Variants in ZC3H18 observed in about 807,000 individuals in gnomAD.
ZC3H18 encodes zinc finger CCCH-type containing 18, also known as zinc finger CCCH domain-containing protein 18.
In ZC3H18, 8 loss-of-function variants were observed where a neutral mutation model predicts 106.1. The observed-to-expected ratio is 0.08, with a 90% CI of 0.04 to 0.14. ZC3H18 has a LOEUF of 0.14. Among genes scored for constraint, ZC3H18 ranks in the 10% least tolerant of loss-of-function variants. The pLI is 1.00. For missense variants in ZC3H18, 1,318 were observed against 1,278.4 expected (o/e 1.03, Z -0.47); for synonymous variants, 635 against 522.1 (o/e 1.22, Z -2.95).
chr16:88,616,436 G>A (rs578049024), intron 8 of ZC3H18, among the ~76,000 whole-genome samples: 8 of 152,296 alleles, frequency 5.3e-5, no homozygotes, highest in African/African-American at 1.4e-4. Context: ...CGTTCTCTGC[G>A]TCGCTTGCCT....
Position 88,598,263 on chromosome 16 carries a change from C to A in ZC3H18, c.774C>A (p.Asp258Glu), listed in dbSNP as rs1490054813. The change falls in exon 4 of 18, where the codon GAC becomes GAA. Residue 258 changes from aspartate to glutamate, a missense_variant. Physicochemically the swap from Asp to Glu is conservative, Grantham distance 45 (BLOSUM62 2). Around this residue, in one of 6 missense-constraint regions of ZC3H18, gnomAD observed 78 missense variants for 67.3 expected, o/e 1.16. Transcript: ENST00000301011. ...ACTACTCCCTAATCACCAAAGCCGA[C>A]CCCTTCCCGCCTAATGGTGCCCCGC... is the stretch of plus-strand genomic sequence containing the variant. ...KGNYSLITKA[D>E]PFPPNGAPPL... 1.2e-6 allele frequency: 2 copies of A among 1,613,632 alleles called. No individual in the cohort carries two copies.
intron 10 of ZC3H18, 97 bp from the exon 11 acceptor site, chr16:88,623,861 G>T: frequency 2.7e-6 from 4 of 1,484,910 alleles, no homozygotes; most frequent in South Asian, 2.9e-5. Context: ...ATGGAAATTC[G>T]TGGCCTTCTC....
At chr16:88,582,422 C>A (rs1043944459) in intron 2 of ZC3H18, among the ~76,000 whole-genome samples, 1 of 151,932 alleles carries the variant, frequency 6.6e-6, no homozygotes, top group Non-Finnish European at 1.5e-5. Flanking sequence ...ATGGGTTTCA[C>A]CATCTTGGCC....
At chr16:88,573,325 G>C (rs1171786401) in intron 1 of ZC3H18, among the ~76,000 whole-genome samples, 2 of 152,008 alleles carry the variant, frequency 1.3e-5, no homozygotes, top group Non-Finnish European at 2.9e-5. Flanking sequence ...AGATAGTATA[G>C]GGTGTTACTA....
chr16:88,622,434 C>T (rs566874183), intron 9 of ZC3H18, 46 bp downstream of exon 9: 12 of 1,531,106 alleles, frequency 7.8e-6, no homozygotes, highest in African/African-American at 5.5e-5. Context: ...ACCTTGGAGC[C>T]GTCAGCTGAC....
chr16:88,584,062 T>C (rs927792742), intron 2 of ZC3H18, among the ~76,000 whole-genome samples: 2 of 152,206 alleles, frequency 1.3e-5, no homozygotes, highest in South Asian at 2.1e-4. Flanking sequence ...CATTATTTAG[T>C]GATTTGTTTA....
chr16:88,594,246 C>G (rs937640340), intron 3 of ZC3H18, among the ~76,000 whole-genome samples: 1 of 152,168 alleles, frequency 6.6e-6, no homozygotes, highest in African/African-American at 2.4e-5. Flanking sequence ...ATTTTAAAAA[C>G]AGTTTCATAA....
At chr16:88,616,995 G>A (rs1018387445) in intron 8 of ZC3H18, among the ~76,000 whole-genome samples, 1 of 152,166 alleles carries the variant, frequency 6.6e-6, no homozygotes, top group Non-Finnish European at 1.5e-5. Context: ...AGCGGGAGGA[G>A]CGAGAGTCGG....
intron 3 of ZC3H18, chr16:88,587,485 T>A: frequency 6.9e-7 from 1 of 1,443,402 alleles, no homozygotes; most frequent in Non-Finnish European, 9.4e-7. Flanking sequence ...TGACTGTCAC[T>A]GCCAGCCTGT....
intron 3 of ZC3H18, among the ~76,000 whole-genome samples, chr16:88,595,868 A>G (rs940385840): frequency 6.6e-6 from 1 of 152,204 alleles, no homozygotes; most frequent in Non-Finnish European, 1.5e-5. Context: ...CAAGAAAATA[A>G]AATCTAAAGC....
chr16:88,629,681 C>T (rs1906539926), intron 16 of ZC3H18, among the ~76,000 whole-genome samples: 1 of 152,220 alleles, frequency 6.6e-6, no homozygotes, highest in African/African-American at 2.4e-5. Flanking sequence ...TTGAACCACA[C>T]AGACCTGAAA....
intron 6 of ZC3H18, among the ~76,000 whole-genome samples, chr16:88,601,436 T>A (rs1255505231): frequency 5.3e-5 from 8 of 152,170 alleles, no homozygotes; most frequent in African/African-American, 1.7e-4. Context: ...TCCTTGACAC[T>A]CTATTTCCAG....
intron 3 of ZC3H18, among the ~76,000 whole-genome samples, chr16:88,588,841 C>T (rs956399341): frequency 2.0e-5 from 3 of 151,746 alleles, no homozygotes; most frequent in Admixed American, 6.6e-5. Context: ...GTGCCATGAT[C>T]GTGCCACTGT....
chr16:88,597,298 C>T (rs920589051), intron 3 of ZC3H18, among the ~76,000 whole-genome samples: 2 of 152,038 alleles, frequency 1.3e-5, no homozygotes, highest in African/African-American at 2.4e-5. Context: ...TAATTTGGAT[C>T]GATATTGTTA....
chr16:88,615,331 C>G (rs1050698162), intron 8 of ZC3H18, among the ~76,000 whole-genome samples: 1 of 152,212 alleles, frequency 6.6e-6, no homozygotes, highest in Non-Finnish European at 1.5e-5. Context: ...TGCTTGCCAG[C>G]CTGCTTTCTT....
At position 88,628,682 on chromosome 16, in the gene ZC3H18, C is replaced by A. The variant is rs1401379447; in HGVS notation, c.2470-76C>A. The A allele has an allele frequency of 5.3e-6, 8 of 1,513,310 alleles. 1 individual carries two copies. In the Admixed American group the frequency reaches 1.4e-4, roughly 26 times the overall value. The allele number at this position is 1,513,310 out of a possible 1,614,324, so 93.7% of individuals were successfully genotyped here. On this transcript the variant is annotated intron_variant, in intron 15 of 17. Transcript: ENST00000301011. ...AGCAGAGCAGGTTGCTGGCAAGGAA[C>A]CCATGTCCTCTGGGGCGAGGACACG...
At chr16:88,580,764 C>T (rs1027411954) in intron 2 of ZC3H18, among the ~76,000 whole-genome samples, 5 of 152,198 alleles carry the variant, frequency 3.3e-5, no homozygotes, top group African/African-American at 4.8e-5. Flanking sequence ...CCAGGCCTTT[C>T]GCCCGGTCCC....
chr16:88,576,124 TCTC>T (rs1567574538), intron 1 of ZC3H18, among the ~76,000 whole-genome samples: 1 of 152,076 alleles, frequency 6.6e-6, no homozygotes, highest in Admixed American at 6.6e-5. Context: ...ATGGTCTCGA[TCTC>T]CTGACCTCAT....
intron 1 of ZC3H18, among the ~76,000 whole-genome samples, chr16:88,572,729 A>T (rs899823693): frequency 2.0e-5 from 3 of 151,796 alleles, no homozygotes; most frequent in Admixed American, 2.0e-4. Context: ...CATTGTCTAC[A>T]CTTAAGAGGC....
Sources: gnomAD v4.1 joint callset for allele counts (sites outside exome capture counted in the v4.1 genomes callset) on GRCh38, gnomAD v4.1.1 for gene constraint, gnomAD v4.1.1 regional missense constraint, MANE v1.5 for transcripts, NCBI Gene and HGNC (gene_info 2026-07-23, HGNC 2026-07-21) for gene names.